Variants in RBM6 observed in about 807,000 individuals in gnomAD.
The protein encoded by RBM6 is RNA-binding protein 6.
A neutral mutation model predicts 140.4 loss-of-function variants in RBM6; 23 were observed. The observed-to-expected ratio is 0.16, with a 90% CI of 0.12 to 0.23. The LOEUF (loss-of-function observed/expected upper bound fraction) is 0.23, where lower values mean the gene tolerates loss of function less well. RBM6 is among the 10% of genes least tolerant of loss of function. RBM6 has a pLI of 1.00. For synonymous variants in RBM6, 439 were observed against 475.6 expected (o/e 0.92, Z 1.00); for missense variants, 1,139 against 1,386.7 (o/e 0.82, Z 2.84).
chr3:50,059,628 C>G, intron 10 of RBM6, 21 bp from the exon 11 acceptor site: 1 of 1,597,394 alleles, frequency 6.3e-7, no homozygotes, highest in Non-Finnish European at 8.6e-7. Context: ...TCTCTGGGTT[C>G]AAGTGTGTCT....
Position 49,968,019 on chromosome 3 carries a change from G to T in RBM6, c.594G>T (p.Arg198Ser). 2 of 1,614,076 alleles carry T rather than the reference G, an allele frequency of 1.2e-6. No homozygotes were observed. Among genetic ancestry groups the T allele is most frequent in the Non-Finnish European group, 1.7e-6 (2 of 1,180,004 alleles). ...GATCCCATGCAGATTTTAGGGGAAG[G>T]GATTTATCAGATTTGGATTTTAGGG... ...RDGSHADFRGRDLSDLDFRAR... is the reference protein window; with the variant it reads ...RDGSHADFRGSDLSDLDFRAR... Residue 198 changes from arginine (R) to serine (S), a missense_variant, in exon 3 of 21, where the codon AGG becomes AGT. Transcript: ENST00000266022.
intron 1 of RBM6, among the ~76,000 whole-genome samples, chr3:49,945,748 G>A (rs917706663): frequency 6.6e-6 from 1 of 151,650 alleles, no homozygotes; most frequent in Admixed American, 6.6e-5. Context: ...CGGGCGTGGC[G>A]GCATGCACCT....
chr3:49,966,465 G>T (rs148107625), intron 2 of RBM6, among the ~76,000 whole-genome samples: 7 of 152,160 alleles, frequency 4.6e-5, no homozygotes, highest in Non-Finnish European at 7.3e-5. Flanking sequence ...TGCCCTGAAG[G>T]TTAGGCAAAG....
At chr3:50,059,525 T>C in intron 10 of RBM6, 124 bp from the exon 11 acceptor site, 1 of 734,616 alleles carries the variant, frequency 1.4e-6, no homozygotes, top group Non-Finnish European at 2.2e-6. Context: ...TGACAGAATA[T>C]AATGTAGTAA....
At chr3:49,957,174 G>T (rs1206406781) in intron 1 of RBM6, among the ~76,000 whole-genome samples, 1 of 151,960 alleles carries the variant, frequency 6.6e-6, no homozygotes, top group Admixed American at 6.6e-5. Flanking sequence ...CATAGAGATG[G>T]GGTCTTGCTA....
chr3:50,066,809 CAG>C (rs369431681), intron 17 of RBM6, among the ~76,000 whole-genome samples: 13 of 149,662 alleles, frequency 8.7e-5, no homozygotes, highest in African/African-American at 3.2e-4. Flanking sequence ...GCCTGGGTAA[CAG>C]AGCAAGACTC....
At chr3:49,947,324 G>T (rs1240815570) in intron 1 of RBM6, among the ~76,000 whole-genome samples, 1 of 151,144 alleles carries the variant, frequency 6.6e-6, no homozygotes, top group Non-Finnish European at 1.5e-5. Flanking sequence ...CAGCTGCTCA[G>T]GAGGCTGAGG....
intron 1 of RBM6, among the ~76,000 whole-genome samples, chr3:49,945,608 G>A (rs892204280): frequency 2.0e-5 from 3 of 151,994 alleles, no homozygotes; most frequent in African/African-American, 4.8e-5. Context: ...GGGGCTGGGC[G>A]CGGGTGGCTC....
chr3:49,955,206 G>T (rs1439570205), intron 1 of RBM6, among the ~76,000 whole-genome samples: 4 of 80,882 alleles, frequency 4.9e-5, no homozygotes, highest in African/African-American at 1.5e-4. Flanking sequence ...TCGCTCTGTT[G>T]CCCAGGCTGG....
intron 8 of RBM6, among the ~76,000 whole-genome samples, chr3:50,054,793 G>A (rs9311446): frequency 0.49 from 74,403 of 151,638 alleles, 19,349 homozygotes; most frequent in East Asian, 0.86. Context: ...GGGATTACAG[G>A]TGTGAATCAC....
intron 1 of RBM6, among the ~76,000 whole-genome samples, chr3:49,961,224 C>T (rs1297269853): frequency 1.3e-5 from 2 of 152,046 alleles, no homozygotes; most frequent in South Asian, 2.1e-4. Context: ...ATTACAGGTG[C>T]CTGCCACCAC....
chr3:50,050,362 G>C (rs1368158468), intron 7 of RBM6, among the ~76,000 whole-genome samples: 1 of 152,126 alleles, frequency 6.6e-6, no homozygotes, highest in African/African-American at 2.4e-5. Context: ...TGTTTTCAGA[G>C]TTCATGTATG....
intron 1 of RBM6, among the ~76,000 whole-genome samples, chr3:49,959,651 A>G (rs552078154): frequency 7.0e-6 from 1 of 143,660 alleles, no homozygotes; most frequent in South Asian, 2.2e-4. Context: ...GCTCACTGCA[A>G]CCTCCGCCTC....
chr3:49,958,463 C>G (rs1327985984), intron 1 of RBM6, among the ~76,000 whole-genome samples: 1 of 151,954 alleles, frequency 6.6e-6, no homozygotes, highest in East Asian at 1.9e-4. Flanking sequence ...GTAGTCCCAG[C>G]TACTCGGGAG....
chr3:50,046,616 A>G (rs1332061486), intron 6 of RBM6, among the ~76,000 whole-genome samples: 1 of 150,334 alleles, frequency 6.7e-6, no homozygotes, highest in South Asian at 2.1e-4. Flanking sequence ...GGGGCGCTTC[A>G]TCTTGACTAA....
intron 16 of RBM6, chr3:50,065,505 G>A (rs1019384688): frequency 8.0e-5 from 37 of 461,606 alleles, no homozygotes; most frequent in Admixed American, 1.4e-4. Flanking sequence ...GATATGGAGT[G>A]CATGCGTGGT....
intron 6 of RBM6, among the ~76,000 whole-genome samples, chr3:50,016,645 C>A (rs1295214912): frequency 6.6e-6 from 1 of 151,846 alleles, no homozygotes; most frequent in Non-Finnish European, 1.5e-5. Context: ...ACCATGCTAA[C>A]AAGTATGAGG....
intron 1 of RBM6, among the ~76,000 whole-genome samples, chr3:49,960,142 G>A (rs146704618): frequency 1.1e-4 from 16 of 152,168 alleles, no homozygotes; most frequent in South Asian, 8.3e-4. Flanking sequence ...AAATACCCCC[G>A]CAGACAGGGT....
intron 11 of RBM6, among the ~76,000 whole-genome samples, chr3:50,060,514 G>A (rs533887017): frequency 5.3e-5 from 8 of 151,822 alleles, no homozygotes; most frequent in East Asian, 1.9e-4. Context: ...TGGGGAGGCC[G>A]AGGCGGGCAG....
Sources: allele counts gnomAD v4.1 joint callset (sites outside exome capture counted in the v4.1 genomes callset), GRCh38; gene constraint gnomAD v4.1.1; transcripts MANE v1.5; gene names NCBI Gene and HGNC (gene_info 2026-07-23, HGNC 2026-07-21).